WASHC4: variants seen among roughly 807,000 people sequenced by gnomAD.
WASHC4 encodes WASH complex subunit 4.
In WASHC4, 86 loss-of-function variants were observed where a neutral mutation model predicts 166.6. The ratio of observed to expected loss-of-function variants is 0.52; its 90% CI spans 0.43 to 0.62. The LOEUF is 0.62. Among genes scored for constraint, WASHC4 ranks in the 20% least tolerant of loss-of-function variants. The pLI is 0.00. For synonymous variants in WASHC4, 446 were observed against 451.6 expected, an observed-to-expected ratio of 0.99 and a Z score of 0.16; for missense variants, 1,262 against 1,382.4, an observed-to-expected ratio of 0.91 and a Z score of 1.38.
At chr12:105,126,485 A>C (rs1229067944) in intron 12 of WASHC4, 123 bp downstream of exon 12, 5 of 752,346 alleles carry the variant, frequency 6.6e-6, no homozygotes, top group Non-Finnish European at 8.5e-6. Flanking sequence ...CACTTGTAAA[A>C]TTCAAGTATT....
At chr12:105,129,358 A>G (rs1881585738) in intron 13 of WASHC4, among the ~76,000 whole-genome samples, 1 of 152,234 alleles carries the variant, frequency 6.6e-6, no homozygotes, top group Non-Finnish European at 1.5e-5. Context: ...TGCTGGGATT[A>G]TAGGCGTGAG....
chr12:105,140,179 T>C (rs1882707943), intron 15 of WASHC4, 115 bp from the exon 16 acceptor site: 2 of 809,132 alleles, frequency 2.5e-6, no homozygotes, highest in African/African-American at 1.7e-5. Flanking sequence ...ACTGTAAGGT[T>C]TTTTTGTATC....
chr12:105,120,527 T>G (rs1880630545), intron 7 of WASHC4, 28 bp from the exon 8 acceptor site: 1 of 1,480,478 alleles, frequency 6.8e-7, no homozygotes, highest in Non-Finnish European at 9.4e-7. Context: ...AGGAAGTTTT[T>G]TTTAACTTGG....
chr12:105,129,377 C>T (rs1881588626), intron 13 of WASHC4, among the ~76,000 whole-genome samples: 1 of 152,236 alleles, frequency 6.6e-6, no homozygotes, highest in African/African-American at 2.4e-5. Context: ...AGCCATCACA[C>T]CAGGCCTCTT....
intron 14 of WASHC4, among the ~76,000 whole-genome samples, chr12:105,137,684 G>T (rs1168552349): frequency 6.6e-6 from 1 of 152,148 alleles, no homozygotes; most frequent in Non-Finnish European, 1.5e-5. Flanking sequence ...TAAATAAACG[G>T]TTAGGGCTGC....
chr12:105,125,067 G>T (rs1275763488), intron 10 of WASHC4, among the ~76,000 whole-genome samples: 1 of 152,090 alleles, frequency 6.6e-6, no homozygotes, highest in Non-Finnish European at 1.5e-5. Flanking sequence ...CTTTAAGCAG[G>T]TTCCACTCGA....
chr12:105,108,136 C>T (rs1710341626), intron 1 of WASHC4, among the ~76,000 whole-genome samples: 1 of 152,204 alleles, frequency 6.6e-6, no homozygotes, highest in Non-Finnish European at 1.5e-5. Flanking sequence ...CGGCGTCCCC[C>T]TTCAGCTGCC....
At chr12:105,114,088 A>G (rs1879944994) in intron 2 of WASHC4, 128 bp from the exon 3 acceptor site, 1 of 741,932 alleles carries the variant, frequency 1.3e-6, no homozygotes, top group South Asian at 1.6e-5. Context: ...AGTAGTTGAT[A>G]TGGTGCTAAT....
rs116200726 is a variant in WASHC4 at position 105,162,095 on chromosome 12, G to C, written c.3061-654G>C. 5.2e-3 allele frequency among the ~76,000 whole-genome samples: 796 copies of C among 152,294 alleles called. 7 individuals are homozygous for C. Among genetic ancestry groups the C allele is most frequent in the African/African-American group, 0.018 (761 of 41,564 alleles). On this transcript the variant is annotated intron_variant, in intron 29 of 32. Transcript: ENST00000332180. ...CCTGCCAACAGTGTTGCTCTAGACT[G>C]TGAACTCTAGATAGAAATCATTTGT...
chr12:105,143,022 C>T (rs911153723), intron 19 of WASHC4, 105 bp from the exon 20 acceptor site: 116 of 729,874 alleles, frequency 1.6e-4, no homozygotes, highest in Non-Finnish European at 9.7e-5. Context: ...ATCATTTTTC[C>T]TTCAGATCGA....
At chr12:105,156,518 A>T in intron 26 of WASHC4, 1 of 287,146 alleles carries the variant, frequency 3.5e-6, no homozygotes, top group Non-Finnish European at 6.3e-6. Flanking sequence ...TATTTAATAT[A>T]GTTATATATA....
At chr12:105,150,604 C>T (rs978351281) in intron 25 of WASHC4, among the ~76,000 whole-genome samples, 2 of 152,082 alleles carry the variant, frequency 1.3e-5, no homozygotes, top group Non-Finnish European at 2.9e-5. Flanking sequence ...GGCAACATGG[C>T]GAAACCTCAT....
At chr12:105,148,014 T>TG in intron 24 of WASHC4, 11 of 985,368 alleles carry the variant, frequency 1.1e-5, no homozygotes, top group Non-Finnish European at 1.3e-5. Context: ...TGAATTTACC[T>TG]GGTTTTCAGA....
intron 30 of WASHC4, among the ~76,000 whole-genome samples, chr12:105,163,587 G>A (rs1884632339): frequency 6.6e-6 from 1 of 151,498 alleles, no homozygotes; most frequent in African/African-American, 2.4e-5. Flanking sequence ...CTGCAGCCTC[G>A]ACCTCCTGGA....
chr12:105,146,582 C>A (rs1230565817), intron 23 of WASHC4, 56 bp downstream of exon 23: 3 of 919,444 alleles, frequency 3.3e-6, no homozygotes, highest in Non-Finnish European at 5.3e-6. Context: ...AGTTGGAAGG[C>A]TGAGGGGCAA....
At position 105,137,510 on chromosome 12, in the gene WASHC4, A is replaced by T. The variant is rs114828422; in HGVS notation, c.1327-376A>T. Among the ~76,000 whole-genome samples the T allele has an allele frequency of 4.4e-3, 666 of 152,332 alleles. 8 individuals carry two copies. Among genetic ancestry groups the T allele is most frequent in the African/African-American group, 0.015 (628 of 41,572 alleles). ...CTCAGCTCTTGCCTTAAGTGGCAAC[A>T]GATAGGAGTCTTTATTCTCTTCCCT... On this transcript the variant is annotated intron_variant, in intron 14 of 32. Transcript: ENST00000332180.
At chr12:105,109,894 C>G (rs1260542942) in intron 1 of WASHC4, among the ~76,000 whole-genome samples, 2 of 152,108 alleles carry the variant, frequency 1.3e-5, no homozygotes, top group Non-Finnish European at 1.5e-5. Context: ...AGCCACCATG[C>G]CCGGCCTAGC....
intron 10 of WASHC4, among the ~76,000 whole-genome samples, chr12:105,123,376 A>C (rs1880969433): frequency 6.6e-6 from 1 of 152,218 alleles, no homozygotes; most frequent in African/African-American, 2.4e-5. Flanking sequence ...CTAGCTAGCC[A>C]ACGTGTGAAT....
chr12:105,140,384 T>C lies in WASHC4; in HGVS notation c.1543T>C (p.Ser515Pro), dbSNP rs1184667929. The C allele has an allele frequency of 1.9e-6, 3 of 1,611,500 alleles. No individual in the cohort carries two copies. The Admixed American group carries it at 5.0e-5, about 27-fold the overall frequency. The change falls in exon 16 of 33, where the codon TCT (serine) becomes CCT (proline). Residue 515 changes from serine (S) to proline (P), a missense_variant. Physicochemically the swap from Ser to Pro is moderately conservative, Grantham distance 74 (BLOSUM62 -1). Coordinates refer to ENST00000332180, the MANE Select transcript of WASHC4 (RefSeq NM_015275.3). The stretch of plus-strand genomic sequence containing the variant: ...GCACCTTCAACATCAGGCTCTTCAT[T>C]CTATTTCTGTGGCCAAGGTATGCAG... ...TQHLQHQALH[S>P]ISVAKKRVIS...
Sources: allele counts gnomAD v4.1 joint callset (sites outside exome capture counted in the v4.1 genomes callset), GRCh38; gene constraint gnomAD v4.1.1; transcripts MANE v1.5; gene names NCBI Gene and HGNC (gene_info 2026-07-23, HGNC 2026-07-21).